The following MYO1F variants were observed in gnomAD, a reference collection of about 807,000 sequenced individuals.
MYO1F encodes unconventional myosin-If.
A neutral mutation model predicts 146.6 loss-of-function variants in MYO1F; 60 were observed. The observed-to-expected ratio is 0.41, with a 90% CI of 0.33 to 0.51. The LOEUF is 0.51. Among genes scored for constraint, MYO1F ranks in the 20% least tolerant of loss-of-function variants. The probability of loss-of-function intolerance (pLI) is 0.25; values close to 1 mark genes in which losing one functional copy is unlikely to be tolerated. For missense variants in MYO1F, 1,274 were observed against 1,534.3 expected (o/e 0.83, Z 2.83); for synonymous variants, 602 against 602.1 (o/e 1.00, Z 0.00).
At chr19:8,571,799 A>G (rs999575169) in intron 1 of MYO1F, among the ~76,000 whole-genome samples, 2 of 151,470 alleles carry the variant, frequency 1.3e-5, no homozygotes, top group African/African-American at 2.4e-5. Flanking sequence ...GGGTTTCACC[A>G]TGTTAGCCAG....
At chr19:8,555,589 T>A in intron 2 of MYO1F, 70 bp downstream of exon 2, 7 of 1,603,696 alleles carry the variant, frequency 4.4e-6, no homozygotes, top group Non-Finnish European at 6.0e-6. Context: ...TCCTTCACCC[T>A]CCTCTCCGTC....
At chr19:8,572,981 C>T (rs2042137909) in intron 1 of MYO1F, among the ~76,000 whole-genome samples, 1 of 152,212 alleles carries the variant, frequency 6.6e-6, no homozygotes, top group Non-Finnish European at 1.5e-5. Flanking sequence ...CAGGCATGAG[C>T]CATTGTTCCT....
At chr19:8,550,412 C>A in intron 9 of MYO1F, 56 bp from the exon 10 acceptor site, 1 of 1,584,830 alleles carries the variant, frequency 6.3e-7, no homozygotes, top group Non-Finnish European at 8.6e-7. Context: ...TCTTGTGCCT[C>A]CTGCATGGGC....
chr19:8,561,607 T>C (rs1974133377), intron 1 of MYO1F, among the ~76,000 whole-genome samples: 1 of 149,212 alleles, frequency 6.7e-6, no homozygotes, highest in Admixed American at 6.8e-5. Flanking sequence ...CTTCTCTTTT[T>C]TCTTTCTCTC....
intron 15 of MYO1F, among the ~76,000 whole-genome samples, chr19:8,541,425 G>GTTTTTT (rs4040643): frequency 4.5e-5 from 4 of 87,942 alleles, no homozygotes; most frequent in African/African-American, 6.7e-5. Flanking sequence ...GTGTGTGTGT[G>GTTTTTT]TTTTTTTTTT....
At chr19:8,528,277 C>T (rs1972348477) in intron 21 of MYO1F, among the ~76,000 whole-genome samples, 1 of 151,508 alleles carries the variant, frequency 6.6e-6, no homozygotes, top group Admixed American at 6.6e-5. Flanking sequence ...GCCTGTAATC[C>T]CAGCACTTTG....
chr19:8,569,259 G>A (rs973087370), intron 1 of MYO1F, among the ~76,000 whole-genome samples: 6 of 152,224 alleles, frequency 3.9e-5, no homozygotes, highest in Non-Finnish European at 8.8e-5. Context: ...GCAACGAAGA[G>A]CTTGTGGTCA....
At position 8,550,706 on chromosome 19, in the gene MYO1F, C is replaced by T. The variant is rs373237136; in HGVS notation, c.772-12G>A. 6.7e-4 allele frequency: 1,085 copies of T among 1,613,750 alleles called. No homozygotes were observed. The highest frequency in any genetic ancestry group is 8.3e-4 in the Non-Finnish European group (984 of 1,179,948). On this transcript the variant is annotated splice_polypyrimidine_tract_variant and intron_variant, in intron 8 of 27. Transcript: ENST00000644032. ...ACCTGCATAGCACTCTGTGGTACAA[C>T]GGGGGCAGAAACTGTGCCGTGAATC...
At chr19:8,541,157 AATT>A (rs1008157616) in intron 15 of MYO1F, among the ~76,000 whole-genome samples, 7 of 151,728 alleles carry the variant, frequency 4.6e-5, no homozygotes, top group African/African-American at 1.5e-4. Flanking sequence ...CTAATTAATT[AATT>A]ATTATTATTT....
At chr19:8,573,493 A>G (rs576900447) in intron 1 of MYO1F, among the ~76,000 whole-genome samples, 3 of 152,104 alleles carry the variant, frequency 2.0e-5, no homozygotes, top group South Asian at 4.1e-4. Context: ...TTCCAGCATC[A>G]GCCTTCCTTA....
chr19:8,539,643 TG>T (rs1330697765), intron 16 of MYO1F, among the ~76,000 whole-genome samples: 5 of 152,030 alleles, frequency 3.3e-5, no homozygotes, highest in African/African-American at 1.2e-4. Context: ...TTTTATGTCA[TG>T]TATATTTTAC....
chr19:8,572,014 C>T (rs190856721), intron 1 of MYO1F, among the ~76,000 whole-genome samples: 19 of 152,204 alleles, frequency 1.2e-4, no homozygotes, highest in East Asian at 9.7e-4. Context: ...TAAGCCACCG[C>T]GCCTGGCCTT....
intron 1 of MYO1F, among the ~76,000 whole-genome samples, chr19:8,567,375 A>AT (rs958633901): frequency 1.0e-3 from 146 of 145,334 alleles, no homozygotes; most frequent in African/African-American, 3.1e-3. Flanking sequence ...CACTGGGTCT[A>AT]TTTTTTTTTG....
intron 15 of MYO1F, chr19:8,540,335 CTTATTTTAT>C (rs1450845526): frequency 1.2e-5 from 3 of 251,816 alleles, no homozygotes; most frequent in South Asian, 1.7e-4. Flanking sequence ...TTCATTTTAT[CTTATTTTAT>C]TTATTTATTT....
chr19:8,574,350 T>C (rs541284889), intron 1 of MYO1F, among the ~76,000 whole-genome samples: 2 of 152,306 alleles, frequency 1.3e-5, no homozygotes, highest in South Asian at 4.1e-4. Flanking sequence ...CAGAAATGAA[T>C]GGACATCCCA....
intron 1 of MYO1F, among the ~76,000 whole-genome samples, chr19:8,574,617 CTTT>C (rs1568381490): frequency 0.041 from 2,596 of 63,402 alleles, 65 homozygotes; most frequent in East Asian, 0.088. Flanking sequence ...TTCTTTCTTT[CTTT>C]CTTTCTTTCT....
intron 1 of MYO1F, among the ~76,000 whole-genome samples, chr19:8,574,679 CTT>C (rs1600074652): frequency 3.9e-5 from 5 of 127,764 alleles, no homozygotes; most frequent in Admixed American, 9.2e-5. Context: ...CTCTTTCTTT[CTT>C]TCTTCCTTTC....
At chr19:8,521,654 G>T in intron 27 of MYO1F, 50 bp from the exon 28 acceptor site, 1 of 1,553,552 alleles carries the variant, frequency 6.4e-7, no homozygotes, top group Non-Finnish European at 8.9e-7. Flanking sequence ...CCTGGAGAAA[G>T]CTCTCATGCC....
At chr19:8,557,873 A>G (rs1282460268) in intron 1 of MYO1F, among the ~76,000 whole-genome samples, 1 of 151,572 alleles carries the variant, frequency 6.6e-6, no homozygotes, top group Non-Finnish European at 1.5e-5. Flanking sequence ...CATTTGATCC[A>G]CTGCTGCCAG....
Sources: allele counts gnomAD v4.1 joint callset (sites outside exome capture counted in the v4.1 genomes callset), GRCh38; gene constraint gnomAD v4.1.1; transcripts MANE v1.5; gene names NCBI Gene and HGNC (gene_info 2026-07-23, HGNC 2026-07-21).